THUMPD2: variants seen among roughly 807,000 people sequenced by gnomAD.
The protein encoded by THUMPD2 is THUMP domain 2 tRNA and snRNA guanosine methyltransferase, also known as U6 snRNA (guanine-N(2))-methyltransferase THUMPD2.
THUMPD2 carries 56 observed loss-of-function variants against 49.4 expected under a neutral mutation model. The observed-to-expected ratio is 1.13, with a 90% CI of 0.91 to 1.41. The LOEUF (loss-of-function observed/expected upper bound fraction) is 1.41. Ranked by LOEUF, THUMPD2 falls within the 40% of genes most tolerant of loss-of-function variation. The pLI is 0.00. For missense variants in THUMPD2, 709 were observed against 594.5 expected (o/e 1.19, Z -2.00); for synonymous variants, 237 against 205.2 (o/e 1.15, Z -1.32).
intron 6 of THUMPD2, among the ~76,000 whole-genome samples, chr2:39,759,247 G>A (rs1643119265): frequency 6.6e-6 from 1 of 151,746 alleles, no homozygotes; most frequent in African/African-American, 2.4e-5. Context: ...AAAGTGCTTA[G>A]GCCGGAGAAG....
chr2:39,755,678 TTC>T (rs1190514206), intron 7 of THUMPD2, among the ~76,000 whole-genome samples: 1 of 152,218 alleles, frequency 6.6e-6, no homozygotes, highest in African/African-American at 2.4e-5. Context: ...ATGATTAGAA[TTC>T]TCTCATATTT....
At position 39,755,956 on chromosome 2, in the gene THUMPD2, C is replaced by A; in HGVS notation, c.896G>T (p.Gly299Val). ...ACACATTGGATCTAAAACAAATGCACCAGCCTGCAGACAGAAATATTAATT... is the reference window on the plus strand; with the variant it reads ...ACACATTGGATCTAAAACAAATGCAACAGCCTGCAGACAGAAATATTAATT... ...AMASLADIKA[G>V]AFVLDPMCGL... Residue 299 changes from glycine to valine, a missense_variant, in exon 7 of 10, where the codon GGT becomes GTT. Coordinates refer to ENST00000505747, the MANE Select transcript of THUMPD2 (RefSeq NM_025264.5). 7 of 1,613,622 alleles carry A rather than the reference C, an allele frequency of 4.3e-6. No individual in the cohort carries two copies. Among genetic ancestry groups the A allele is most frequent in the Non-Finnish European group, 5.9e-6 (7 of 1,179,714 alleles).
Position 39,755,397 on chromosome 2 carries a change from C to T in THUMPD2, c.976G>A (p.Val326Ile). The T allele has an allele frequency of 1.3e-6, 2 of 1,561,494 alleles. No homozygotes were observed. The highest frequency in any genetic ancestry group is 1.2e-5 in the South Asian group (1 of 83,354). The change falls in exon 8 of 10, where the codon GTA (valine) becomes ATA (isoleucine). Residue 326 changes from valine to isoleucine, a missense_variant. Transcript: ENST00000505747. ...TGTGAGTCGCTGACATCAGCACCTA[C>T]ATAATACACATCCTATGGGGAAATA... ...AAKEWPDVYY[V>I]GADVSDSQLL... is the part of the protein sequence containing the mutation.
chr2:39,760,842 C>T (rs576173125), intron 6 of THUMPD2, among the ~76,000 whole-genome samples: 9 of 152,214 alleles, frequency 5.9e-5, no homozygotes, highest in Non-Finnish European at 1.3e-4. Context: ...AATAATTCAA[C>T]AACTCATAAA....
intron 6 of THUMPD2, among the ~76,000 whole-genome samples, chr2:39,760,837 T>A (rs1036177555): frequency 1.3e-5 from 2 of 152,116 alleles, no homozygotes; most frequent in Admixed American, 1.3e-4. Flanking sequence ...AGCTGAATAA[T>A]TCAACAACTC....
chr2:39,736,703 G>A lies in THUMPD2; in HGVS notation c.*32C>T. On this transcript the variant is annotated 3_prime_UTR_variant, in exon 10 of 10. Transcript: ENST00000505747. The stretch of plus-strand genomic sequence containing the variant: ...CTTCTGCTGTACAGCTAACTTACAA[G>A]GGCCTGAACCCGGCTGATGGCAGCA... 5 of 1,579,842 alleles carry A rather than the reference G, an allele frequency of 3.2e-6. No homozygotes were observed. The highest frequency in any genetic ancestry group is 4.3e-6 in the Non-Finnish European group (5 of 1,160,224).
intron 9 of THUMPD2, among the ~76,000 whole-genome samples, chr2:39,739,960 C>G (rs1475122589): frequency 6.6e-6 from 1 of 152,026 alleles, no homozygotes; most frequent in Non-Finnish European, 1.5e-5. Flanking sequence ...GGAAATTATC[C>G]TAAGAAGATG....
intron 8 of THUMPD2, among the ~76,000 whole-genome samples, chr2:39,745,771 T>G (rs1674498940): frequency 1.3e-5 from 2 of 152,184 alleles, no homozygotes; most frequent in Non-Finnish European, 2.9e-5. Flanking sequence ...GTGCTTTAAA[T>G]AAATTTAGAA....
intron 4 of THUMPD2, among the ~76,000 whole-genome samples, chr2:39,766,716 A>G (rs1220764098): frequency 6.6e-6 from 1 of 152,204 alleles, no homozygotes; most frequent in African/African-American, 2.4e-5. Flanking sequence ...GGTTTACAGA[A>G]TATTTTAAAT....
intron 3 of THUMPD2, 38 bp from the exon 4 acceptor site, chr2:39,768,539 AT>A: frequency 6.5e-7 from 1 of 1,548,686 alleles, no homozygotes; most frequent in African/African-American, 1.4e-5. Flanking sequence ...AATACTAAAA[AT>A]GAAAATTTTA....
In THUMPD2 at chr2:39,736,540, C is replaced by T. The variant is rs1673102121; in HGVS notation, c.*195G>A. 4.5e-6 allele frequency: 2 copies of T among 441,744 alleles called. No homozygotes were observed. Among genetic ancestry groups the T allele is most frequent in the South Asian group, 1.4e-4 (2 of 14,216 alleles). The allele number at this position is 441,744 out of a possible 1,614,324, so 27.4% of individuals were successfully genotyped here. A position where few individuals can be genotyped will look rare whatever the true frequency, so the allele number is the denominator to read the frequency against. On this transcript the variant is annotated 3_prime_UTR_variant, in exon 10 of 10. Coordinates refer to ENST00000505747, the MANE Select transcript of THUMPD2 (RefSeq NM_025264.5). ...AAAAAATATTCGATAACTTTTTTCT[C>T]AAAAACATTAAGTACTTTAGAATAT...
At chr2:39,769,042 AC>A (rs1413340064) in intron 3 of THUMPD2, 3 of 1,304,516 alleles carry the variant, frequency 2.3e-6, no homozygotes, top group Non-Finnish European at 3.0e-6. Context: ...CATTGCTGAG[AC>A]CTCATGTGCA....
chr2:39,740,914 G>A (rs992534266), intron 9 of THUMPD2, among the ~76,000 whole-genome samples: 1 of 152,012 alleles, frequency 6.6e-6, no homozygotes, highest in African/African-American at 2.4e-5. Flanking sequence ...TTCTTGCTAT[G>A]TTGTCCGGGC....
intron 4 of THUMPD2, among the ~76,000 whole-genome samples, chr2:39,766,439 A>T (rs2148318289): frequency 6.6e-6 from 1 of 152,296 alleles, no homozygotes; most frequent in Non-Finnish European, 1.5e-5. Flanking sequence ...TGCGTTGAGA[A>T]GATTTTCTAA....
intron 8 of THUMPD2, among the ~76,000 whole-genome samples, chr2:39,750,227 C>T (rs1572778335): frequency 2.0e-5 from 3 of 152,192 alleles, no homozygotes; most frequent in African/African-American, 2.4e-5. Context: ...GGTGTAAAGG[C>T]GTTCCCTTTT....
intron 6 of THUMPD2, among the ~76,000 whole-genome samples, chr2:39,758,719 C>T (rs1401894468): frequency 1.3e-5 from 2 of 151,036 alleles, no homozygotes; most frequent in African/African-American, 4.9e-5. Context: ...AAATACTTAA[C>T]AGTCACATTT....
chr2:39,750,984 G>T (rs1429154545), intron 8 of THUMPD2, among the ~76,000 whole-genome samples: 1 of 152,166 alleles, frequency 6.6e-6, no homozygotes, highest in South Asian at 2.1e-4. Context: ...CAATAAAAAA[G>T]GACTTATACC....
intron 8 of THUMPD2, among the ~76,000 whole-genome samples, chr2:39,750,680 C>A (rs1250524275): frequency 6.6e-6 from 1 of 151,144 alleles, no homozygotes; most frequent in Non-Finnish European, 1.5e-5. Context: ...GCACTCCAGC[C>A]TGGGCAACAG....
chr2:39,752,708 G>A (rs973445804), intron 8 of THUMPD2, among the ~76,000 whole-genome samples: 1 of 152,116 alleles, frequency 6.6e-6, no homozygotes, highest in Non-Finnish European at 1.5e-5. Context: ...ACAACTCACA[G>A]AAGAATCATT....
Sources: allele counts gnomAD v4.1 joint callset (sites outside exome capture counted in the v4.1 genomes callset), GRCh38; gene constraint gnomAD v4.1.1; transcripts MANE v1.5; gene names NCBI Gene and HGNC (gene_info 2026-07-23, HGNC 2026-07-21).